The following MAP2 variants were observed in gnomAD, a reference collection of about 807,000 sequenced individuals.
MAP2 encodes the protein microtubule associated protein 2.
MAP2 carries 14 observed loss-of-function variants against 137.6 expected under a neutral mutation model. The observed-to-expected ratio is 0.10, with a 90% CI of 0.07 to 0.16. The LOEUF (loss-of-function observed/expected upper bound fraction) is 0.16. Among genes scored for constraint, MAP2 ranks in the 10% least tolerant of loss-of-function variants. The pLI is 1.00. For missense variants in MAP2, 2,088 were observed against 2,191.5 expected, an observed-to-expected ratio of 0.95 and a Z score of 0.94; for synonymous variants, 786 against 782.3, an observed-to-expected ratio of 1.00 and a Z score of -0.08.
chr2:209,595,552 A>G (rs1162386701), intron 3 of MAP2, among the ~76,000 whole-genome samples: 1 of 152,224 alleles, frequency 6.6e-6, no homozygotes, highest in Non-Finnish European at 1.5e-5. Flanking sequence ...CAGTGTGGTG[A>G]TTCCTCAAGG....
intron 15 of MAP2, 26 bp downstream of exon 15, chr2:209,729,988 C>A: frequency 7.2e-7 from 1 of 1,384,694 alleles, no homozygotes; most frequent in Non-Finnish European, 9.7e-7. Context: ...ATGAGCCAAT[C>A]TTGTCTTTTT....
At chr2:209,530,995 G>T (rs1034869634) in intron 2 of MAP2, among the ~76,000 whole-genome samples, 1 of 152,142 alleles carries the variant, frequency 6.6e-6, no homozygotes, top group African/African-American at 2.4e-5. Flanking sequence ...CTGATTGAAT[G>T]AATGAAATAC....
At chr2:209,630,316 C>T (rs2092857838) in intron 4 of MAP2, among the ~76,000 whole-genome samples, 1 of 152,278 alleles carries the variant, frequency 6.6e-6, no homozygotes. Flanking sequence ...CCCTCTGTAG[C>T]TCTCTTTAAT....
At chr2:209,429,150 T>G (rs1258797812) in intron 1 of MAP2, among the ~76,000 whole-genome samples, 1 of 151,884 alleles carries the variant, frequency 6.6e-6, no homozygotes, top group East Asian at 1.9e-4. Flanking sequence ...AGACAGGGTT[T>G]CACCTTGTTA....
At chr2:209,597,465 T>G (rs563413652) in intron 3 of MAP2, among the ~76,000 whole-genome samples, 1 of 152,290 alleles carries the variant, frequency 6.6e-6, no homozygotes, top group Admixed American at 6.5e-5. Flanking sequence ...CTATGTTAGC[T>G]CCGTCTCTCA....
chr2:209,584,689 A>C (rs1268858032), intron 3 of MAP2, among the ~76,000 whole-genome samples: 1 of 152,170 alleles, frequency 6.6e-6, no homozygotes, highest in South Asian at 2.1e-4. Flanking sequence ...TCACTTCAGA[A>C]GCTGTCATAG....
intron 1 of MAP2, among the ~76,000 whole-genome samples, chr2:209,433,124 A>G (rs1259654627): frequency 6.6e-6 from 1 of 152,150 alleles, no homozygotes; most frequent in Non-Finnish European, 1.5e-5. Flanking sequence ...TATCAGAAGA[A>G]ACCACATAAA....
chr2:209,498,321 C>G (rs748095237), intron 1 of MAP2, among the ~76,000 whole-genome samples: 1 of 152,318 alleles, frequency 6.6e-6, no homozygotes, highest in South Asian at 2.1e-4. Context: ...TAGCTCTGCC[C>G]TTTTAGCTTT....
At chr2:209,458,858 A>T (rs2149563732) in intron 1 of MAP2, among the ~76,000 whole-genome samples, 1 of 152,214 alleles carries the variant, frequency 6.6e-6, no homozygotes, top group South Asian at 2.1e-4. Flanking sequence ...TAAGTGCTCT[A>T]AGCTCTCTAT....
Position 209,710,012 on chromosome 2 carries a change from T to G in MAP2, c.4831T>G (p.Ser1611Ala), listed in dbSNP as rs1391715724. 3 of 1,613,858 alleles carry G rather than the reference T, an allele frequency of 1.9e-6. No individual in the cohort carries two copies. The highest frequency in any genetic ancestry group is 2.5e-6 in the Non-Finnish European group (3 of 1,179,994). The change falls in exon 13 of 16, where the codon TCA becomes GCA. Residue 1611 changes from serine (S) to alanine (A), a missense_variant. Coordinates refer to ENST00000682079, the MANE Select transcript of MAP2 (RefSeq NM_001375505.1). The stretch of plus-strand genomic sequence containing the variant: ...TCCTGGCACCCCACCAAGTTATTCT[T>G]CACGCACACCAGGCACTCCTGGAAC... ...ITPGTPPSYS[S>A]RTPGTPGTPS...
intron 3 of MAP2, among the ~76,000 whole-genome samples, chr2:209,618,397 T>A (rs1028975498): frequency 6.6e-6 from 1 of 152,192 alleles, no homozygotes; most frequent in African/African-American, 2.4e-5. Context: ...CTGAGAAATT[T>A]ATATTTTGTC....
chr2:209,582,582 T>C (rs565179157), intron 3 of MAP2, among the ~76,000 whole-genome samples: 1 of 151,976 alleles, frequency 6.6e-6, no homozygotes, highest in East Asian at 1.9e-4. Flanking sequence ...TCTATAAATG[T>C]AATATGAGAA....
At chr2:209,556,894 G>A (rs756248692) in intron 2 of MAP2, among the ~76,000 whole-genome samples, 32 of 151,756 alleles carry the variant, frequency 2.1e-4, no homozygotes, top group Non-Finnish European at 4.1e-4. Context: ...AACAAAATAA[G>A]AATATTCAAG....
At chr2:209,456,084 C>T (rs1266049366) in intron 1 of MAP2, among the ~76,000 whole-genome samples, 2 of 152,172 alleles carry the variant, frequency 1.3e-5, no homozygotes, top group African/African-American at 4.8e-5. Flanking sequence ...GACTATCACT[C>T]ATACTCCCTG....
At chr2:209,457,226 G>A (rs1701742418) in intron 1 of MAP2, among the ~76,000 whole-genome samples, 1 of 152,102 alleles carries the variant, frequency 6.6e-6, no homozygotes, top group Admixed American at 6.5e-5. Context: ...CTTGGCTATG[G>A]CAGCTACCCA....
chr2:209,663,650 AAGG>A (rs2044765685), intron 5 of MAP2, among the ~76,000 whole-genome samples: 3 of 152,210 alleles, frequency 2.0e-5, no homozygotes, highest in Admixed American at 2.0e-4. Context: ...ATAGATAAGA[AAGG>A]AGGAATCAAG....
At chr2:209,440,283 A>G (rs1414688584) in intron 1 of MAP2, among the ~76,000 whole-genome samples, 1 of 151,558 alleles carries the variant, frequency 6.6e-6, no homozygotes, top group Non-Finnish European at 1.5e-5. Context: ...AGGTTTAACA[A>G]AACTTATTTC....
At position 209,695,947 on chromosome 2, in the gene MAP2, C is replaced by A. The variant is rs1374547243; in HGVS notation, c.3777C>A (p.Asp1259Glu). 1 of 1,613,884 alleles carries A rather than the reference C, an allele frequency of 6.2e-7. No homozygotes were observed. The highest frequency in any genetic ancestry group is 8.5e-7 in the Non-Finnish European group (1 of 1,179,966). Residue 1259 changes from aspartate (D) to glutamate (E), a missense_variant, in exon 8 of 16, where the codon GAC becomes GAA. By Grantham distance (45) the Asp-to-Glu change is conservative. Around this residue, in one of 6 missense-constraint regions of MAP2, gnomAD observed 591 missense variants for 642.6 expected, o/e 0.92. Coordinates refer to ENST00000682079, the MANE Select transcript of MAP2 (RefSeq NM_001375505.1). ...LFRSDTLQITDLGVSGAREEF... is the reference protein window; with the variant it reads ...LFRSDTLQITELGVSGAREEF... ...GCTCAGACACCCTTCAGATAACTGA[C>A]CTGGGTGTCTCAGGTGCCAGGGAGG... is the stretch of plus-strand genomic sequence containing the variant.
chr2:209,526,987 A>G (rs1275722113), intron 2 of MAP2, among the ~76,000 whole-genome samples: 1 of 152,108 alleles, frequency 6.6e-6, no homozygotes, highest in Non-Finnish European at 1.5e-5. Flanking sequence ...AAACCAGGAG[A>G]CTTGTGAATA....
Sources: allele counts gnomAD v4.1 joint callset (sites outside exome capture counted in the v4.1 genomes callset), GRCh38; gene constraint gnomAD v4.1.1; regional missense constraint gnomAD v4.1.1; transcripts MANE v1.5; gene names NCBI Gene and HGNC (gene_info 2026-07-23, HGNC 2026-07-21).